The following RGPD2 variants were observed in gnomAD, a reference collection of about 807,000 sequenced individuals.
RGPD2 encodes the protein RANBP2-like and GRIP domain-containing protein 2.
In RGPD2, 2 loss-of-function variants were observed where a neutral mutation model predicts 36.0. The observed-to-expected ratio is 0.06, with a 90% CI of 0.02 to 0.17. The LOEUF is 0.17. Among genes scored for constraint, RGPD2 ranks in the 10% least tolerant of loss-of-function variants. RGPD2 has a pLI of 1.00. For synonymous variants in RGPD2, 19 were observed against 163.8 expected (o/e 0.12, Z 6.75); for missense variants, 40 against 464.3 (o/e 0.09, Z 8.40).
chr2:87,929,092 G>A, the RGPD2 span, among the ~76,000 whole-genome samples: 1 of 151,800 alleles, frequency 6.6e-6, no homozygotes, highest in African/African-American at 2.4e-5. Flanking sequence ...TGTTGCAATA[G>A]GTTTTGGCAT....
the RGPD2 span, among the ~76,000 whole-genome samples, chr2:87,918,491 G>A: frequency 6.6e-6 from 1 of 150,706 alleles, no homozygotes; most frequent in African/African-American, 2.5e-5. Context: ...CAATGTCCAA[G>A]ACTGCAGGAC....
At chr2:87,877,007 A>G in the RGPD2 span, among the ~76,000 whole-genome samples, 1 of 152,300 alleles carries the variant, frequency 6.6e-6, no homozygotes, top group East Asian at 1.9e-4. Context: ...CTGTTTTGTC[A>G]GAAACTAGAA....
the RGPD2 span, among the ~76,000 whole-genome samples, chr2:87,874,797 C>G: frequency 2.0e-5 from 3 of 152,236 alleles, no homozygotes; most frequent in African/African-American, 7.2e-5. Context: ...ATAGCATTGA[C>G]TCTATAAATT....
the RGPD2 span, among the ~76,000 whole-genome samples, chr2:87,894,071 A>G: frequency 6.6e-6 from 1 of 151,788 alleles, no homozygotes; most frequent in South Asian, 2.1e-4. Context: ...GGCGATATTG[A>G]TTTCAGTTTC....
chr2:87,824,742 G>GGCCGCCGCC lies in RGPD2; in HGVS notation c.72+907_72+915dup, dbSNP rs1329887497. Reference sequence around the variant, plus strand: ...CGCCGCCGCCGCCCGGCCAGGCCGAGGCCGCCGCCGCCGCCGCCGCCGCCG... The same window carrying GGCCGCCGCC: ...CGCCGCCGCCGCCCGGCCAGGCCGAGGCCGCCGCCGCCGCCGCCGCCGCCGCCGCCGCCG... On this transcript the variant is annotated intron_variant, in intron 1 of 22. Coordinates refer to ENST00000398146, the MANE Select transcript of RGPD2 (RefSeq NM_001078170.3). Among the ~76,000 whole-genome samples, 58 of 87,700 alleles carry GGCCGCCGCC rather than the reference G, an allele frequency of 6.6e-4. 1 individual carries two copies. The highest frequency in any genetic ancestry group is 1.4e-3 in the Admixed American group (12 of 8,662). The allele number at this position is 87,700 out of a possible 152,430, so 57.5% of individuals were successfully genotyped here.
intron 22 of RGPD2, among the ~76,000 whole-genome samples, chr2:87,769,154 G>C (rs1685036283): frequency 1.1e-5 from 1 of 89,456 alleles, no homozygotes; most frequent in Non-Finnish European, 2.3e-5. Context: ...TCTGAGTAGA[G>C]ACGGGGTTTC....
the RGPD2 span, among the ~76,000 whole-genome samples, chr2:87,912,046 C>T: frequency 2.6e-5 from 4 of 152,062 alleles, no homozygotes; most frequent in African/African-American, 7.2e-5. Context: ...TCTTCCATCT[C>T]GAAGATACCA....
the RGPD2 span, among the ~76,000 whole-genome samples, chr2:87,917,033 C>T: frequency 3.3e-5 from 5 of 151,948 alleles, no homozygotes; most frequent in East Asian, 1.9e-4. Context: ...AGTGACTTGA[C>T]GAAAGTGACA....
At chr2:87,937,852 A>G in the RGPD2 span, among the ~76,000 whole-genome samples, 1 of 151,988 alleles carries the variant, frequency 6.6e-6, no homozygotes, top group African/African-American at 2.4e-5. Context: ...TCAAGGAGGT[A>G]GATGTCAATT....
At chr2:87,935,276 C>T in the RGPD2 span, among the ~76,000 whole-genome samples, 62 of 148,642 alleles carry the variant, frequency 4.2e-4, 1 homozygote, top group South Asian at 7.7e-3. Flanking sequence ...TCTATCTTTC[C>T]GGTATTTCTA....
At chr2:87,929,468 G>GTTT in the RGPD2 span, among the ~76,000 whole-genome samples, 7 of 105,182 alleles carry the variant, frequency 6.7e-5, no homozygotes, top group South Asian at 7.8e-4. Context: ...CTCCAGCTTT[G>GTTT]TTTTTTTTGT....
chr2:87,847,300 T>G, the RGPD2 span, among the ~76,000 whole-genome samples: 8 of 152,246 alleles, frequency 5.3e-5, no homozygotes, highest in Non-Finnish European at 1.2e-4. Context: ...TCATTGCAGT[T>G]TTTGTGTTAT....
intron 1 of RGPD2, among the ~76,000 whole-genome samples, chr2:87,824,541 C>A (rs1232120946): frequency 6.6e-6 from 1 of 151,904 alleles, no homozygotes; most frequent in Non-Finnish European, 1.5e-5. Flanking sequence ...ATCCAAAGCA[C>A]CCTGTTTTGT....
At position 87,807,371 on chromosome 2, in the gene RGPD2, C is replaced by A. The variant is rs60977370; in HGVS notation, c.780-480G>T. Among the ~76,000 whole-genome samples the A allele has an allele frequency of 2.1e-5, 3 of 139,900 alleles. No individual in the cohort carries two copies. In the East Asian group the frequency reaches 5.9e-4, roughly 28 times the overall value. The allele number at this position is 139,900 out of a possible 152,430, so 91.8% of individuals were successfully genotyped here. On this transcript the variant is annotated intron_variant, in intron 6 of 22. Transcript: ENST00000398146. ...CTTTTTACTATATAGATCATTACAG[C>A]GTTAAATTGTTTTTTTTTTTTTTTT...
the RGPD2 span, among the ~76,000 whole-genome samples, chr2:87,857,203 G>C: frequency 2.0e-5 from 3 of 152,302 alleles, no homozygotes; most frequent in South Asian, 6.2e-4. Flanking sequence ...TATTTTCATA[G>C]CATAGATTAG....
the RGPD2 span, among the ~76,000 whole-genome samples, chr2:87,893,496 T>G: frequency 2.9e-5 from 4 of 135,788 alleles, 1 homozygote; most frequent in South Asian, 4.4e-4. Flanking sequence ...AGCTATTATG[T>G]AAGCCTAATA....
intron 22 of RGPD2, among the ~76,000 whole-genome samples, chr2:87,769,479 G>C (rs1462723773): frequency 6.7e-6 from 1 of 148,698 alleles, no homozygotes; most frequent in Non-Finnish European, 1.5e-5. Flanking sequence ...GGTTTCTAAT[G>C]TGTATCTCCT....
the RGPD2 span, among the ~76,000 whole-genome samples, chr2:87,984,885 G>T: frequency 6.8e-6 from 1 of 146,898 alleles, no homozygotes; most frequent in African/African-American, 2.5e-5. Context: ...AGCTGAGATT[G>T]TGCCATTGCA....
chr2:87,875,893 C>A, the RGPD2 span, among the ~76,000 whole-genome samples: 1 of 152,128 alleles, frequency 6.6e-6, no homozygotes, highest in African/African-American at 2.4e-5. Context: ...TATTTTAGAA[C>A]AATTTCTCAG....
Sources: gnomAD v4.1 joint callset for allele counts (sites outside exome capture counted in the v4.1 genomes callset) on GRCh38, gnomAD v4.1.1 for gene constraint, MANE v1.5 for transcripts, NCBI Gene and HGNC (gene_info 2026-07-23, HGNC 2026-07-21) for gene names.